SLC36A1: variants seen among roughly 807,000 people sequenced by gnomAD.
SLC36A1 encodes proton-coupled amino acid transporter 1.
SLC36A1 carries 30 observed loss-of-function variants against 47.5 expected under a neutral mutation model. That is an observed-to-expected ratio of 0.63 (90% CI 0.47 to 0.86). The LOEUF (loss-of-function observed/expected upper bound fraction) is 0.86. Ranked by LOEUF, SLC36A1 falls within the 40% of genes least tolerant of loss-of-function variation. The pLI is 0.00. For missense variants in SLC36A1, 517 were observed against 606.0 expected (o/e 0.85, Z 1.54); for synonymous variants, 255 against 249.7 (o/e 1.02, Z -0.20).
At chr5:151,445,716 G>C (rs1223630849), upstream of SLC36A1, among the ~76,000 whole-genome samples, 1 of 152,076 alleles carries the variant, frequency 6.6e-6, no homozygotes, top group African/African-American at 2.4e-5. Context: ...TTTCAATCTT[G>C]GTAGGTTGTA....
At chr5:151,493,284 G>T (rs145377500), downstream of SLC36A1, among the ~76,000 whole-genome samples, 1 of 151,994 alleles carries the variant, frequency 6.6e-6, no homozygotes, top group Non-Finnish European at 1.5e-5. Context: ...TCACTTCTGC[G>T]GCAAACACTA....
the SLC36A1 span, among the ~76,000 whole-genome samples, chr5:151,345,139 A>G: frequency 1.5e-4 from 23 of 152,348 alleles, no homozygotes; most frequent in East Asian, 4.0e-3. Flanking sequence ...GCGGAATTAC[A>G]AAACAACCTA....
At chr5:151,542,969 C>G in the SLC36A1 span, 2 of 1,614,190 alleles carry the variant, frequency 1.2e-6, no homozygotes, top group Non-Finnish European at 1.7e-6. Context: ...ATGACTGGAT[C>G]TTGAGCTGCC....
rs1296430851 is a variant in SLC36A1, at chr5:151,488,015, C to G, written c.1192C>G (p.Leu398Val). 1 of 1,614,150 alleles carries G rather than the reference C, an allele frequency of 6.2e-7. No individual in the cohort carries two copies. Among genetic ancestry groups the G allele is most frequent in the Non-Finnish European group, 8.5e-7 (1 of 1,180,036 alleles). Residue 398 changes from leucine to valine, a missense_variant, in exon 11 of 11, where the codon CTG becomes GTG. Coordinates refer to ENST00000243389, the MANE Select transcript of SLC36A1 (RefSeq NM_078483.4). ...GGCCATCCTCATCCCCCGCCTGGAC[C>G]TGGTCATCTCCCTGGTGGGCTCCGT... is the stretch of plus-strand genomic sequence containing the variant. ...ILAILIPRLDLVISLVGSVSS... is the reference protein window; with the variant it reads ...ILAILIPRLDVVISLVGSVSS...
the SLC36A1 span, among the ~76,000 whole-genome samples, chr5:151,367,758 T>G: frequency 6.6e-6 from 1 of 152,192 alleles, no homozygotes; most frequent in Non-Finnish European, 1.5e-5. Flanking sequence ...CATAATAAGA[T>G]GAAGTTGTCC....
the SLC36A1 span, among the ~76,000 whole-genome samples, chr5:151,555,446 C>G: frequency 6.7e-6 from 1 of 148,766 alleles, no homozygotes; most frequent in Non-Finnish European, 1.5e-5. Flanking sequence ...TCTCAGCTCA[C>G]TGCAACCTCC....
the SLC36A1 span, chr5:151,544,515 G>A: frequency 6.2e-7 from 1 of 1,614,148 alleles, no homozygotes; most frequent in East Asian, 2.2e-5. Context: ...CAATGTTGTA[G>A]ATGAGCCGGA....
the SLC36A1 span, chr5:151,540,423 C>T: frequency 1.8e-6 from 1 of 555,014 alleles, no homozygotes; most frequent in Non-Finnish European, 3.2e-6. Flanking sequence ...TCTCCTGCCC[C>T]TCAATCTCCC....
the SLC36A1 span, among the ~76,000 whole-genome samples, chr5:151,420,389 G>A: frequency 6.6e-6 from 1 of 152,164 alleles, no homozygotes; most frequent in Non-Finnish European, 1.5e-5. Flanking sequence ...AGTGAGCTGA[G>A]GACAGAGTCA....
At chr5:151,512,556 A>G in the SLC36A1 span, 9 of 1,613,978 alleles carry the variant, frequency 5.6e-6, no homozygotes, top group African/African-American at 2.7e-5. This position sits in a 1 kb window ranked among gnomAD's most constrained non-coding sequence, Gnocchi z 4.1. Flanking sequence ...AAAGGTTTCC[A>G]TAGAAACCAC....
At chr5:151,394,636 T>G in the SLC36A1 span, among the ~76,000 whole-genome samples, 1 of 152,262 alleles carries the variant, frequency 6.6e-6, no homozygotes, top group Admixed American at 6.5e-5. Flanking sequence ...GACCCTCATT[T>G]GCAGGTCTGT....
At chr5:151,546,202 T>A in the SLC36A1 span, 1 of 1,614,176 alleles carries the variant, frequency 6.2e-7, no homozygotes, top group Non-Finnish European at 8.5e-7. Context: ...TGTAGCCAGG[T>A]CATGCCATTG....
chr5:151,410,757 T>G, the SLC36A1 span, among the ~76,000 whole-genome samples: 4 of 144,896 alleles, frequency 2.8e-5, 1 homozygote, highest in African/African-American at 1.0e-4. Context: ...TTTTATATTT[T>G]ATAGTCTCAT....
chr5:151,362,330 A>G, the SLC36A1 span, among the ~76,000 whole-genome samples: 130 of 143,890 alleles, frequency 9.0e-4, no homozygotes, highest in African/African-American at 3.1e-3. Flanking sequence ...TCCTTCTTCT[A>G]TTATTTCCTT....
the SLC36A1 span, among the ~76,000 whole-genome samples, chr5:151,534,972 T>TATATAC: frequency 2.5e-5 from 2 of 79,584 alleles, no homozygotes; most frequent in Non-Finnish European, 4.6e-5. Flanking sequence ...TCTAGGAAAA[T>TATATAC]ATATATATAT....
the SLC36A1 span, chr5:151,546,155 G>C: frequency 6.2e-7 from 1 of 1,613,992 alleles, no homozygotes; most frequent in African/African-American, 1.3e-5. Context: ...GAAAAGATGG[G>C]GGCACTCCTA....
At chr5:151,386,311 T>G in the SLC36A1 span, among the ~76,000 whole-genome samples, 1 of 152,240 alleles carries the variant, frequency 6.6e-6, no homozygotes, top group Non-Finnish European at 1.5e-5. Context: ...GAATAAGCAC[T>G]ACTGAGTGAG....
At chr5:151,356,503 A>ACG in the SLC36A1 span, among the ~76,000 whole-genome samples, 3 of 152,054 alleles carry the variant, frequency 2.0e-5, no homozygotes, top group African/African-American at 7.2e-5. Flanking sequence ...GTTCCCTTTC[A>ACG]TCCTTAGGAA....
At chr5:151,553,423 G>T in the SLC36A1 span, 1 of 1,595,960 alleles carries the variant, frequency 6.3e-7, no homozygotes, top group Non-Finnish European at 8.6e-7. Flanking sequence ...GAGGTTTGGG[G>T]CCAAGAGACA....
Sources: allele counts gnomAD v4.1 joint callset (sites outside exome capture counted in the v4.1 genomes callset), GRCh38; gene constraint gnomAD v4.1.1; non-coding constraint Gnocchi (gnomAD v3.1); transcripts MANE v1.5; gene names NCBI Gene and HGNC (gene_info 2026-07-23, HGNC 2026-07-21).